VTI1A: variants seen among roughly 807,000 people sequenced by gnomAD.
The protein encoded by VTI1A is vesicle transport through interaction with t-SNAREs homolog 1A.
In VTI1A, 22 loss-of-function variants were observed where a neutral mutation model predicts 34.9. That is an observed-to-expected ratio of 0.63 (90% confidence interval 0.45 to 0.90). The LOEUF (loss-of-function observed/expected upper bound fraction) is 0.90. Ranked by LOEUF, VTI1A falls within the 40% of genes least tolerant of loss-of-function variation. The pLI, the probability that VTI1A is intolerant of heterozygous loss-of-function variation, is 0.00. For missense variants in VTI1A, 268 were observed against 275.6 expected, an observed-to-expected ratio of 0.97 and a Z score of 0.20; for synonymous variants, 87 against 97.3, an observed-to-expected ratio of 0.89 and a Z score of 0.62.
chr10:112,705,843 A>G (rs1403480809), intron 7 of VTI1A, among the ~76,000 whole-genome samples: 1 of 152,202 alleles, frequency 6.6e-6, no homozygotes, highest in African/African-American at 2.4e-5. Flanking sequence ...GGAGGAAGAA[A>G]AGGCAAAACA....
intron 3 of VTI1A, among the ~76,000 whole-genome samples, chr10:112,471,955 G>C (rs991291177): frequency 2.6e-5 from 4 of 152,118 alleles, no homozygotes; most frequent in African/African-American, 4.8e-5. Flanking sequence ...AATAGAAAAA[G>C]AAAGAAACAA....
At chr10:112,721,392 G>A (rs1252339208) in intron 7 of VTI1A, among the ~76,000 whole-genome samples, 1 of 152,228 alleles carries the variant, frequency 6.6e-6, no homozygotes, top group Admixed American at 6.5e-5. Context: ...TTGTTCAAAT[G>A]TAAGAATACT....
chr10:112,475,053 G>T (rs1039473404), intron 3 of VTI1A, among the ~76,000 whole-genome samples: 2 of 152,168 alleles, frequency 1.3e-5, no homozygotes, highest in Non-Finnish European at 2.9e-5. Flanking sequence ...TAAAAGGTTC[G>T]TGTTCTTGAC....
intron 1 of VTI1A, among the ~76,000 whole-genome samples, chr10:112,459,292 C>G (rs1025149523): frequency 4.6e-5 from 7 of 152,168 alleles, no homozygotes; most frequent in Admixed American, 3.9e-4. Context: ...TTATTTTCAG[C>G]CATTGCACGC....
chr10:112,568,571 A>G (rs530695926), intron 5 of VTI1A, among the ~76,000 whole-genome samples: 61 of 152,264 alleles, frequency 4.0e-4, no homozygotes, highest in African/African-American at 1.4e-3. Context: ...AGCCATGCTC[A>G]GGAGGTGGAG....
intron 7 of VTI1A, among the ~76,000 whole-genome samples, chr10:112,793,877 G>C (rs1007355536): frequency 6.6e-6 from 1 of 152,174 alleles, no homozygotes; most frequent in Non-Finnish European, 1.5e-5. Context: ...TTTCTCTCCA[G>C]GTGCACTGTG....
intron 7 of VTI1A, among the ~76,000 whole-genome samples, chr10:112,697,865 CATGTGTGTGTGTGTGT>C (rs1460146819): frequency 1.6e-5 from 2 of 126,110 alleles, no homozygotes; most frequent in Non-Finnish European, 3.4e-5. Context: ...TTAGCATTTA[CATGTGTGTGTGTGTGT>C]GTGTGTGTGT....
chr10:112,541,960 C>T (rs1850887102), intron 5 of VTI1A, among the ~76,000 whole-genome samples: 1 of 152,110 alleles, frequency 6.6e-6, no homozygotes, highest in South Asian at 2.1e-4. Context: ...CTTTTAAGTT[C>T]TTGTCCTAGA....
chr10:112,770,601 T>G (rs986697699), intron 7 of VTI1A, among the ~76,000 whole-genome samples: 1 of 150,924 alleles, frequency 6.6e-6, no homozygotes, highest in African/African-American at 2.4e-5. Context: ...AGAGATAGGG[T>G]TTCACCGTGT....
intron 5 of VTI1A, among the ~76,000 whole-genome samples, chr10:112,560,175 A>T (rs1190307305): frequency 6.6e-6 from 1 of 152,224 alleles, no homozygotes; most frequent in Non-Finnish European, 1.5e-5. Flanking sequence ...AAGATTTTCT[A>T]TTCAGGATTC....
chr10:112,597,943 C>G (rs1309012742), intron 5 of VTI1A, among the ~76,000 whole-genome samples: 1 of 151,698 alleles, frequency 6.6e-6, no homozygotes, highest in Non-Finnish European at 1.5e-5. Flanking sequence ...ATGATCCGCC[C>G]GCCTCTGCCT....
intron 1 of VTI1A, among the ~76,000 whole-genome samples, chr10:112,459,784 G>T (rs1345523980): frequency 6.6e-6 from 1 of 152,194 alleles, no homozygotes; most frequent in Non-Finnish European, 1.5e-5. Flanking sequence ...TCCTAGAGAA[G>T]GGAATTACAG....
intron 5 of VTI1A, among the ~76,000 whole-genome samples, chr10:112,660,187 G>C (rs184024050): frequency 2.6e-5 from 4 of 152,190 alleles, no homozygotes; most frequent in Non-Finnish European, 5.9e-5. Flanking sequence ...TGCAACCTCT[G>C]CCTCCCAGGT....
intron 3 of VTI1A, among the ~76,000 whole-genome samples, chr10:112,497,775 C>T (rs150666569): frequency 6.6e-6 from 1 of 152,150 alleles, no homozygotes; most frequent in African/African-American, 2.4e-5. Context: ...ACTGATTCAC[C>T]TTACTTTACC....
intron 7 of VTI1A, among the ~76,000 whole-genome samples, chr10:112,788,365 C>T (rs914770239): frequency 2.3e-4 from 35 of 152,162 alleles, no homozygotes; most frequent in Admixed American, 1.2e-3. Flanking sequence ...TGTATCTCCT[C>T]AATACATTGA....
intron 7 of VTI1A, among the ~76,000 whole-genome samples, chr10:112,731,982 T>C (rs920349432): frequency 6.6e-6 from 1 of 152,134 alleles, no homozygotes; most frequent in African/African-American, 2.4e-5. Context: ...CCATTAGAAA[T>C]TATTTGACAG....
At chr10:112,802,457 G>A (rs1852907606) in intron 7 of VTI1A, among the ~76,000 whole-genome samples, 1 of 152,256 alleles carries the variant, frequency 6.6e-6, no homozygotes, top group East Asian at 1.9e-4. Context: ...GTAAAAATGG[G>A]GATGATAATA....
At chr10:112,695,054 G>GC (rs1198017853) in intron 7 of VTI1A, among the ~76,000 whole-genome samples, 1 of 152,122 alleles carries the variant, frequency 6.6e-6, no homozygotes, top group Non-Finnish European at 1.5e-5. Context: ...TTTGTTGGAT[G>GC]CCCTTTAAAT....
At chr10:112,781,166 A>G (rs1415765585) in intron 7 of VTI1A, among the ~76,000 whole-genome samples, 2 of 151,952 alleles carry the variant, frequency 1.3e-5, no homozygotes, top group Admixed American at 1.3e-4. Flanking sequence ...GCTGGTCACA[A>G]ACTCCTGAGC....
Sources: allele counts gnomAD v4.1 joint callset (sites outside exome capture counted in the v4.1 genomes callset), GRCh38; gene constraint gnomAD v4.1.1; transcripts MANE v1.5; gene names NCBI Gene and HGNC (gene_info 2026-07-23, HGNC 2026-07-21).